The following ALMS1 variants were observed in gnomAD, a reference collection of about 807,000 sequenced individuals.
ALMS1 encodes the protein ALMS1 centrosome and basal body associated protein.
In ALMS1, 271 loss-of-function variants were observed where a neutral mutation model predicts 352.2. The observed-to-expected ratio is 0.77, with a 90% confidence interval of 0.70 to 0.85. The LOEUF (loss-of-function observed/expected upper bound fraction) is 0.85, where lower values mean the gene tolerates loss of function less well. ALMS1 is among the 40% of genes least tolerant of loss of function. The pLI is 0.00. For missense variants in ALMS1, 5,445 were observed against 4,870.7 expected, an observed-to-expected ratio of 1.12 and a Z score of -3.51; for synonymous variants, 1,865 against 1,761.2, an observed-to-expected ratio of 1.06 and a Z score of -1.48.
intron 9 of ALMS1, among the ~76,000 whole-genome samples, chr2:73,485,098 C>A (rs1672800044): frequency 6.6e-6 from 1 of 152,248 alleles, no homozygotes; most frequent in Admixed American, 6.5e-5. Context: ...CTCCATCCAG[C>A]TTTGTTCCAT....
intron 10 of ALMS1, among the ~76,000 whole-genome samples, chr2:73,514,027 G>A (rs1313378516): frequency 6.6e-6 from 1 of 152,002 alleles, no homozygotes; most frequent in Non-Finnish European, 1.5e-5. Context: ...ACAGGAGAGG[G>A]GAAAGAGAAT....
rs1342681969 is a variant in ALMS1 at position 73,515,119 on chromosome 2, C to T, written c.9540-4656C>T. On this transcript the variant is annotated intron_variant, in intron 10 of 22. Transcript: ENST00000613296. ...CCCGTGAGTCTCTTATGCTGTCATCCGTTCGTTCTTTTTATGTTTGGCAGT... is the reference window on the plus strand; with the variant it reads ...CCCGTGAGTCTCTTATGCTGTCATCTGTTCGTTCTTTTTATGTTTGGCAGT... Among the ~76,000 whole-genome samples, 10 of 152,132 alleles carry T rather than the reference C, an allele frequency of 6.6e-5. No homozygotes were observed. The East Asian group carries it at 9.6e-4, about 15-fold the overall frequency.
intron 9 of ALMS1, chr2:73,469,702 T>G (rs185603239): frequency 9.2e-5 from 14 of 151,892 alleles, no homozygotes; most frequent in Admixed American, 9.2e-4. Context: ...GGTTATATGA[T>G]AGGTGAATTA....
At position 73,572,400 on chromosome 2, in the gene ALMS1, G is replaced by C. The variant is rs1270035714; in HGVS notation, c.10523G>C (p.Arg3508Thr). Reference protein sequence around the residue: ...HESLGKSVFMRHSWKDFFQHH... With the variant: ...HESLGKSVFMTHSWKDFFQHH... ...TCTTTGGGAAAGAGTGTTTTCATGA[G>C]ACATTCTTGGAAAGATTTCTTTCAG... The change falls in exon 16 of 23, where the codon AGA (arginine) becomes ACA (threonine). Residue 3508 changes from arginine to threonine, a missense_variant. Coordinates refer to ENST00000613296, the MANE Select transcript of ALMS1 (RefSeq NM_001378454.1). 2.5e-6 allele frequency: 4 copies of C among 1,611,704 alleles called. No individual in the cohort carries two copies. The highest frequency in any genetic ancestry group is 1.7e-4 in the Middle Eastern group (1 of 6,042).
At chr2:73,461,648 A>G (rs1490076612) in intron 9 of ALMS1, among the ~76,000 whole-genome samples, 4 of 152,202 alleles carry the variant, frequency 2.6e-5, no homozygotes, top group African/African-American at 9.6e-5. Context: ...TCAGATGATC[A>G]AACTACTCCG....
intron 11 of ALMS1, among the ~76,000 whole-genome samples, chr2:73,523,533 G>A (rs890256053): frequency 6.6e-5 from 10 of 152,274 alleles, no homozygotes; most frequent in African/African-American, 2.4e-4. Flanking sequence ...TTGGGAGGCC[G>A]AGGAGGGTGG....
chr2:73,397,029 A>G (rs1670778499), intron 1 of ALMS1, among the ~76,000 whole-genome samples: 1 of 151,858 alleles, frequency 6.6e-6, no homozygotes, highest in Middle Eastern at 3.2e-3. Flanking sequence ...GTTATCCCCA[A>G]CCCCCTCCCC....
intron 16 of ALMS1, among the ~76,000 whole-genome samples, chr2:73,587,990 A>G (rs950801654): frequency 3.3e-5 from 5 of 152,238 alleles, no homozygotes; most frequent in Admixed American, 3.3e-4. Flanking sequence ...AACTCCGAAC[A>G]GACCAATAAC....
At chr2:73,579,063 C>CTTTTTTTTTTTTTTTTTTTTTTTTT (rs372240184) in intron 16 of ALMS1, among the ~76,000 whole-genome samples, 3 of 119,146 alleles carry the variant, frequency 2.5e-5, no homozygotes, top group African/African-American at 8.6e-5. Context: ...CTCCTTTATT[C>CTTTTTTTTTTTTTTTTTTTTTTTTT]TTTTTTTATT....
intron 9 of ALMS1, among the ~76,000 whole-genome samples, chr2:73,468,477 ATCCGTCTCCAAGAC>A (rs1299678324): frequency 5.3e-5 from 8 of 152,030 alleles, no homozygotes; most frequent in Non-Finnish European, 7.4e-5. Flanking sequence ...CACCACCACC[ATCCGTCTCCAAGAC>A]TCTTTTCATC....
At position 73,439,624 on chromosome 2, in the gene ALMS1, T is replaced by TC. The variant is rs551754824; in HGVS notation, c.1432+7335dup. Among the ~76,000 whole-genome samples the TC allele has an allele frequency of 2.3e-4, 35 of 152,110 alleles. No individual in the cohort carries two copies. In the South Asian group the frequency reaches 6.7e-3, roughly 29 times the overall value. On this transcript the variant is annotated intron_variant, in intron 7 of 22. Coordinates refer to ENST00000613296, the MANE Select transcript of ALMS1 (RefSeq NM_001378454.1). ...GGTGTGATCTCGGCTCACTGCAACC[T>TC]CCACCTCCCAGGTTCAAGCGATTCT...
rs1674988318 is a variant in ALMS1, at chr2:73,573,420, T to A, written c.11543T>A (p.Ile3848Asn). 1 of 1,613,872 alleles carries A rather than the reference T, an allele frequency of 6.2e-7. No individual in the cohort carries two copies. The highest frequency in any genetic ancestry group is 1.3e-5 in the African/African-American group (1 of 74,926). The change falls in exon 16 of 23, where the codon ATC becomes AAC. Residue 3848 changes from isoleucine (I) to asparagine (N), a missense_variant. Physicochemically the swap from Ile to Asn is moderately radical, Grantham distance 149. Coordinates refer to ENST00000613296, the MANE Select transcript of ALMS1 (RefSeq NM_001378454.1). ...VTSEHTRRRHIQVANHVISSD... is the reference protein window; with the variant it reads ...VTSEHTRRRHNQVANHVISSD... ...TCTGAGCACACCAGAAGGAGACACA[T>A]CCAGGTACATGGCTACAGATTCCAT...
At chr2:73,504,727 A>AT (rs1386918695) in intron 10 of ALMS1, among the ~76,000 whole-genome samples, 1 of 151,544 alleles carries the variant, frequency 6.6e-6, no homozygotes, top group Middle Eastern at 3.4e-3. Context: ...TGTTATGAAC[A>AT]TTCATGTACT....
chr2:73,486,608 A>G (rs1672853167), intron 9 of ALMS1, among the ~76,000 whole-genome samples: 1 of 152,128 alleles, frequency 6.6e-6, no homozygotes, highest in Non-Finnish European at 1.5e-5. Flanking sequence ...GAAAAAGAAA[A>G]CCCAGTGATT....
At chr2:73,389,156 CATT>C (rs1670593764) in intron 1 of ALMS1, among the ~76,000 whole-genome samples, 1 of 152,134 alleles carries the variant, frequency 6.6e-6, no homozygotes, top group South Asian at 2.1e-4. Flanking sequence ...GATGGTATCT[CATT>C]GTGATTTTAA....
chr2:73,522,935 G>A lies in ALMS1; in HGVS notation c.9781+2919G>A, dbSNP rs189791255. ...CATAGATTTAGTCAGCACTCTGTAA[G>A]CTGCTCTATGTTTTGCTTTAGTGAT... On this transcript the variant is annotated intron_variant, in intron 11 of 22. Coordinates refer to ENST00000613296, the MANE Select transcript of ALMS1 (RefSeq NM_001378454.1). Among the ~76,000 whole-genome samples the A allele has an allele frequency of 4.9e-4, 74 of 152,318 alleles. No individual in the cohort carries two copies. The East Asian group carries it at 0.011, about 22-fold the overall frequency.
Position 73,519,835 on chromosome 2 carries a change from A to G in ALMS1, c.9600A>G (p.Ala3200=), listed in dbSNP as rs113808259. 1 of 1,614,060 alleles carries G rather than the reference A, an allele frequency of 6.2e-7. No individual in the cohort carries two copies. Among genetic ancestry groups the G allele is most frequent in the East Asian group, 2.2e-5 (1 of 44,872 alleles). ...SAFSEKLSSD[A]VTQITTESPE... is the part of the protein sequence containing the mutation. ...TCTCTGAAAAATTGTCATCTGATGCAGTCACTCAGATAACAACAGAAAGTC... is the reference window on the plus strand; with the variant it reads ...TCTCTGAAAAATTGTCATCTGATGCGGTCACTCAGATAACAACAGAAAGTC... Residue 3200 remains alanine (A), a synonymous_variant, in exon 11 of 23, where the codon GCA becomes GCG. Transcript: ENST00000613296.
At chr2:73,573,445 T>C (rs537910532) in intron 16 of ALMS1, 21 bp downstream of exon 16, 1 of 1,613,148 alleles carries the variant, frequency 6.2e-7, no homozygotes, top group South Asian at 1.1e-5. Flanking sequence ...ACAGATTCCA[T>C]CTGGCAATGT....
At chr2:73,397,595 G>A (rs1266160514) in intron 1 of ALMS1, among the ~76,000 whole-genome samples, 1 of 152,142 alleles carries the variant, frequency 6.6e-6, no homozygotes, top group African/African-American at 2.4e-5. Flanking sequence ...AGCCTCCTGA[G>A]TAGCTGGGTT....
Sources: gnomAD v4.1 joint callset for allele counts (sites outside exome capture counted in the v4.1 genomes callset) on GRCh38, gnomAD v4.1.1 for gene constraint, MANE v1.5 for transcripts, NCBI Gene and HGNC (gene_info 2026-07-23, HGNC 2026-07-21) for gene names.